NELL1: variants seen among roughly 807,000 people sequenced by gnomAD.
The protein encoded by NELL1 is neural EGFL like 1.
Under a neutral mutation model 107.4 loss-of-function variants are expected in NELL1, and 76 were observed. The observed-to-expected ratio is 0.71, with a 90% CI of 0.59 to 0.86. NELL1 has a LOEUF of 0.86. Ranked by LOEUF, NELL1 falls within the 40% of genes least tolerant of loss-of-function variation. The pLI, the probability that NELL1 is intolerant of heterozygous loss-of-function variation, is 0.00. For missense variants in NELL1, 1,024 were observed against 1,005.5 expected (o/e 1.02, Z -0.25); for synonymous variants, 353 against 341.2 (o/e 1.03, Z -0.38).
At chr11:20,829,936 C>T (rs890651921) in intron 3 of NELL1, among the ~76,000 whole-genome samples, 1 of 152,056 alleles carries the variant, frequency 6.6e-6, no homozygotes, top group Non-Finnish European at 1.5e-5. Context: ...GGATTCTTCA[C>T]TGTGAAGTTC....
At chr11:20,875,292 A>G (rs188529206) in intron 4 of NELL1, among the ~76,000 whole-genome samples, 24 of 152,260 alleles carry the variant, frequency 1.6e-4, no homozygotes, top group African/African-American at 5.3e-4. Flanking sequence ...GTGAAATTTC[A>G]TCTGATTTGG....
intron 14 of NELL1, among the ~76,000 whole-genome samples, chr11:21,350,746 C>T (rs926604952): frequency 2.6e-5 from 4 of 152,038 alleles, no homozygotes; most frequent in African/African-American, 7.2e-5. Flanking sequence ...TTCAGAAGCT[C>T]AAGAATCTAT....
intron 3 of NELL1, among the ~76,000 whole-genome samples, chr11:20,822,281 A>G (rs1287982386): frequency 6.6e-6 from 1 of 152,234 alleles, no homozygotes; most frequent in Admixed American, 6.5e-5. Context: ...CAGGACTCAG[A>G]GAGCACTTGG....
At chr11:21,125,870 C>A (rs1172749284) in intron 13 of NELL1, among the ~76,000 whole-genome samples, 1 of 152,186 alleles carries the variant, frequency 6.6e-6, no homozygotes. Context: ...TCAGCCAGGC[C>A]TGGGTTTCTG....
intron 14 of NELL1, among the ~76,000 whole-genome samples, chr11:21,325,033 T>A (rs963610476): frequency 2.6e-5 from 4 of 152,118 alleles, no homozygotes; most frequent in East Asian, 1.9e-4. Flanking sequence ...ACTCTGACTT[T>A]CTCCTTATTA....
At chr11:21,072,063 T>C (rs1399567413) in intron 12 of NELL1, among the ~76,000 whole-genome samples, 1 of 152,114 alleles carries the variant, frequency 6.6e-6, no homozygotes, top group Non-Finnish European at 1.5e-5. Context: ...GTCAACAATA[T>C]ATGCAGAAGA....
chr11:21,191,100 C>G (rs575272845), intron 13 of NELL1, among the ~76,000 whole-genome samples: 1 of 151,876 alleles, frequency 6.6e-6, no homozygotes, highest in South Asian at 2.1e-4. Context: ...AAAATAATTC[C>G]TCCTTTCCAT....
intron 4 of NELL1, among the ~76,000 whole-genome samples, chr11:20,873,102 T>G (rs2134090339): frequency 6.6e-6 from 1 of 152,272 alleles, no homozygotes; most frequent in Admixed American, 6.5e-5. Flanking sequence ...ATAATATGGG[T>G]TTGCACTAAA....
At chr11:21,574,503 C>A (rs1591049330) in intron 19 of NELL1, among the ~76,000 whole-genome samples, 1 of 151,844 alleles carries the variant, frequency 6.6e-6, no homozygotes, top group East Asian at 2.0e-4. Context: ...TATGCACTAT[C>A]CCCTTCATAG....
At chr11:20,725,304 G>A (rs866693984) in intron 2 of NELL1, among the ~76,000 whole-genome samples, 1 of 152,190 alleles carries the variant, frequency 6.6e-6, no homozygotes, top group South Asian at 2.1e-4. Context: ...GGTTGCATGT[G>A]CCTGGATGCC....
intron 12 of NELL1, among the ~76,000 whole-genome samples, chr11:21,097,651 G>T (rs191148064): frequency 6.6e-6 from 1 of 152,166 alleles, no homozygotes; most frequent in East Asian, 1.9e-4. Flanking sequence ...CGGGAAGCAG[G>T]GTAGGCTGTT....
At chr11:20,693,194 T>C (rs988692218) in intron 2 of NELL1, among the ~76,000 whole-genome samples, 1 of 152,030 alleles carries the variant, frequency 6.6e-6, no homozygotes, top group Admixed American at 6.6e-5. Flanking sequence ...GCACGTGAGA[T>C]GGGTTTCCTG....
intron 12 of NELL1, among the ~76,000 whole-genome samples, chr11:21,040,775 G>GA (rs1480944696): frequency 2.0e-5 from 3 of 152,028 alleles, no homozygotes; most frequent in Non-Finnish European, 4.4e-5. Flanking sequence ...TGGATTGTTA[G>GA]AAAAAAATAA....
intron 7 of NELL1, among the ~76,000 whole-genome samples, chr11:20,924,358 A>G (rs1850444999): frequency 6.6e-6 from 1 of 152,236 alleles, no homozygotes; most frequent in Non-Finnish European, 1.5e-5. Context: ...TCTTATTATT[A>G]CAGACAATAG....
chr11:20,988,569 C>G (rs190598643), intron 12 of NELL1, among the ~76,000 whole-genome samples: 1 of 150,520 alleles, frequency 6.6e-6, no homozygotes, highest in Admixed American at 6.6e-5. Context: ...TTTCTTCTTA[C>G]TGGGTTGTCA....
chr11:20,791,538 T>C (rs1426485336), intron 3 of NELL1, among the ~76,000 whole-genome samples: 9 of 152,182 alleles, frequency 5.9e-5, no homozygotes, highest in Non-Finnish European at 1.3e-4. Context: ...TATGTCTTCC[T>C]GTCCTACCTG....
At chr11:20,693,824 T>C (rs984450080) in intron 2 of NELL1, among the ~76,000 whole-genome samples, 5 of 152,256 alleles carry the variant, frequency 3.3e-5, no homozygotes, top group South Asian at 2.1e-4. Flanking sequence ...TGAATCTGAA[T>C]GTTGGCCTGC....
At chr11:21,281,483 C>T (rs72951463) in intron 14 of NELL1, among the ~76,000 whole-genome samples, 1,916 of 152,266 alleles carry the variant, frequency 0.013, 27 homozygotes, top group South Asian at 0.056. Flanking sequence ...GAGGAACTTG[C>T]TTCCCTGAAG....
intron 14 of NELL1, among the ~76,000 whole-genome samples, chr11:21,277,913 G>T (rs907302121): frequency 1.3e-5 from 2 of 152,088 alleles, no homozygotes; most frequent in Non-Finnish European, 2.9e-5. Context: ...GTGAGGGAAG[G>T]GGGAGGGATA....
Sources: allele counts gnomAD v4.1 joint callset (sites outside exome capture counted in the v4.1 genomes callset), GRCh38; gene constraint gnomAD v4.1.1; transcripts MANE v1.5; gene names NCBI Gene and HGNC (gene_info 2026-07-23, HGNC 2026-07-21).